The following LBR variants were observed in gnomAD, a reference collection of about 807,000 sequenced individuals.
LBR encodes the protein delta(14)-sterol reductase LBR.
In LBR, 28 loss-of-function variants were observed where a neutral mutation model predicts 74.3. The ratio of observed to expected loss-of-function variants is 0.38; its 90% CI spans 0.28 to 0.52. The LOEUF is 0.52. Among genes scored for constraint, LBR ranks in the 20% least tolerant of loss-of-function variants. The probability of loss-of-function intolerance (pLI) is 0.89; values close to 1 mark genes in which losing one functional copy is unlikely to be tolerated. For synonymous variants in LBR, 228 were observed against 269.3 expected, an observed-to-expected ratio of 0.85 and a Z score of 1.50; for missense variants, 717 against 760.3, an observed-to-expected ratio of 0.94 and a Z score of 0.67.
In LBR at chr1:225,402,551, TTCACA is replaced by T. The variant is rs926898917; in HGVS notation, c.*747_*751del. On this transcript the variant is annotated 3_prime_UTR_variant, in exon 14 of 14. Coordinates refer to ENST00000272163, the MANE Select transcript of LBR (RefSeq NM_002296.4). ...ATTCTAATTGTTCCAAAATTTTTAA[TTCACA>T]TTACTTTACAAAATTTTATTTAAAA... is the stretch of plus-strand genomic sequence containing the variant. 3 of 152,760 alleles carry T rather than the reference TTCACA, an allele frequency of 2.0e-5. No homozygotes were observed. The highest frequency in any genetic ancestry group is 1.3e-4 in the Admixed American group (2 of 15,298). 9.5% of individuals were successfully genotyped at this position (152,760 alleles called of 1,614,324 possible).
intron 1 of LBR, among the ~76,000 whole-genome samples, chr1:225,427,050 G>A (rs755014019): frequency 1.1e-4 from 16 of 152,224 alleles, no homozygotes; most frequent in Non-Finnish European, 2.1e-4. Context: ...CCGGGGGCCT[G>A]TTCACCCTGG....
chr1:225,403,298 G>C lies in LBR; in HGVS notation c.*5C>G, dbSNP rs1206128460. On this transcript the variant is annotated 3_prime_UTR_variant, in exon 14 of 14. Transcript: ENST00000272163. ...GGAGTATTTTGTAGAAAAGCCAGAA[G>C]AGCATTAGTAGATGTATGGAAATAT... 1.2e-6 allele frequency: 2 copies of C among 1,613,452 alleles called. No individual in the cohort carries two copies. The highest frequency in any genetic ancestry group is 1.7e-6 in the Non-Finnish European group (2 of 1,179,536).
chr1:225,415,373 C>G, intron 6 of LBR, 41 bp from the exon 7 acceptor site: 1 of 1,080,508 alleles, frequency 9.3e-7, no homozygotes, highest in Non-Finnish European at 1.4e-6. Flanking sequence ...AAGCACATCA[C>G]CATCATATAT....
intron 11 of LBR, among the ~76,000 whole-genome samples, chr1:225,405,328 G>A (rs1196990842): frequency 2.0e-5 from 3 of 152,186 alleles, no homozygotes; most frequent in Non-Finnish European, 2.9e-5. Flanking sequence ...AAACTAGTAA[G>A]AGAATAACTT....
rs1352864124 is a variant in LBR at position 225,404,491 on chromosome 1, G to A, written c.1600C>T (p.Leu534Phe). 1 of 1,613,574 alleles carries A rather than the reference G, an allele frequency of 6.2e-7. No homozygotes were observed. Among genetic ancestry groups the A allele is most frequent in the African/African-American group, 1.3e-5 (1 of 75,000 alleles). ...KTIHTSTGKN[L>F]LVSGWWGFVR... ...AAGCCCCACCATCCAGAAACTAGAA[G>A]ATTTTTTCCCGTTGAAGTATGAATG... is the stretch of plus-strand genomic sequence containing the variant. The change falls in exon 13 of 14, where the codon CTT becomes TTT. Residue 534 changes from leucine to phenylalanine, a missense_variant. Coordinates refer to ENST00000272163, the MANE Select transcript of LBR (RefSeq NM_002296.4).
chr1:225,418,322 C>T, intron 5 of LBR, 142 bp from the exon 6 acceptor site: 1 of 818,154 alleles, frequency 1.2e-6, no homozygotes. Flanking sequence ...CAAAAACTCC[C>T]ATCTCTACCT....
At chr1:225,406,144 C>T (rs1270930838) in intron 11 of LBR, among the ~76,000 whole-genome samples, 4 of 152,110 alleles carry the variant, frequency 2.6e-5, no homozygotes, top group African/African-American at 9.7e-5. Flanking sequence ...CCCATTTTCC[C>T]CTCTAAAACT....
chr1:225,405,082 T>C (rs990671433), intron 11 of LBR, among the ~76,000 whole-genome samples: 29 of 152,186 alleles, frequency 1.9e-4, no homozygotes, highest in African/African-American at 6.8e-4. Flanking sequence ...AAATCAATAC[T>C]AGAGTTCAGT....
chr1:225,420,527 C>A lies in LBR; in HGVS notation c.367-729G>T, dbSNP rs920732421. On this transcript the variant is annotated intron_variant, in intron 3 of 13. Coordinates refer to ENST00000272163, the MANE Select transcript of LBR (RefSeq NM_002296.4). ...TAAGAAATAGTGGGTACTTATGCAA[C>A]ACACAGTAGGCCCAAGGCACTACCA... is the stretch of plus-strand genomic sequence containing the variant. Among the ~76,000 whole-genome samples the A allele has an allele frequency of 3.9e-5, 6 of 152,120 alleles. No individual in the cohort carries two copies. The East Asian group carries it at 1.2e-3, about 29-fold the overall frequency.
At chr1:225,426,217 C>A (rs2096138830) in intron 1 of LBR, among the ~76,000 whole-genome samples, 1 of 152,142 alleles carries the variant, frequency 6.6e-6, no homozygotes, top group South Asian at 2.1e-4. Flanking sequence ...CCACTTTACA[C>A]AAGATCCACA....
rs762108686 is a variant in LBR at position 225,423,934 on chromosome 1, C to G, written c.142G>C (p.Glu48Gln). Reference sequence around the variant, plus strand: ...ACCTTAATATCATTCTCTTTCAATTCAAGCTCTGTTCCATCTTTATACTTC... The same window carrying G: ...ACCTTAATATCATTCTCTTTCAATTGAAGCTCTGTTCCATCTTTATACTTC... ...TVKYKDGTEL[E>Q]LKENDIKPLT... The change falls in exon 2 of 14, where the codon GAA becomes CAA. Residue 48 changes from glutamate to glutamine, a missense_variant. By Grantham distance (29) the Glu-to-Gln change is conservative. Coordinates refer to ENST00000272163, the MANE Select transcript of LBR (RefSeq NM_002296.4). 1 of 1,613,862 alleles carries G rather than the reference C, an allele frequency of 6.2e-7. No homozygotes were observed. Among genetic ancestry groups the G allele is most frequent in the Non-Finnish European group, 8.5e-7 (1 of 1,179,758 alleles).
intron 2 of LBR, among the ~76,000 whole-genome samples, chr1:225,423,159 T>A (rs6678087): frequency 6.6e-6 from 1 of 152,028 alleles, no homozygotes; most frequent in East Asian, 1.9e-4. Context: ...GACAAAGTAA[T>A]CTCATATCTA....
intron 7 of LBR, among the ~76,000 whole-genome samples, chr1:225,414,528 T>C (rs926813565): frequency 2.0e-5 from 3 of 152,228 alleles, no homozygotes; most frequent in Admixed American, 6.5e-5. Context: ...CACATGCTCT[T>C]ACAGTGCGAG....
chr1:225,415,660 AT>A (rs1289740976), intron 6 of LBR, among the ~76,000 whole-genome samples: 1 of 152,140 alleles, frequency 6.6e-6, no homozygotes, highest in Non-Finnish European at 1.5e-5. Context: ...ATACCTTTAT[AT>A]CTAGTGGATC....
rs2096092813 is a variant in LBR at position 225,406,809 on chromosome 1, G to T, written c.1338C>A (p.Asp446Glu). The T allele has an allele frequency of 1.2e-6, 2 of 1,614,102 alleles. No individual in the cohort carries two copies. The highest frequency in any genetic ancestry group is 2.7e-5 in the African/African-American group (2 of 74,936). Reference sequence around the variant, plus strand: ...TGAATCCAAATCCATCGTGGATGATGTCCATGGTCGTCAACAACGCTTCCT... The same window carrying T: ...TGAATCCAAATCCATCGTGGATGATTTCCATGGTCGTCAACAACGCTTCCT... ...WNEEALLTTM[D>E]IIHDGFGFML... Residue 446 changes from aspartate to glutamate, a missense_variant, in exon 11 of 14, where the codon GAC becomes GAA. By Grantham distance (45) the Asp-to-Glu change is conservative. Transcript: ENST00000272163.
At chr1:225,422,305 T>G (rs942939224) in intron 2 of LBR, 28 bp from the exon 3 acceptor site, 5 of 1,578,614 alleles carry the variant, frequency 3.2e-6, no homozygotes, top group Non-Finnish European at 4.3e-6. Flanking sequence ...GGCAAAGAGC[T>G]TTACCACAAA....
chr1:225,420,448 CAA>C lies in LBR; in HGVS notation c.367-652_367-651del, dbSNP rs1441424814. Among the ~76,000 whole-genome samples the C allele has an allele frequency of 5.3e-5, 8 of 151,792 alleles. No individual in the cohort carries two copies. The East Asian group carries it at 1.5e-3, about 29-fold the overall frequency. ...ATTAGTTCATTAACTGGATAAAAAA[CAA>C]AAGACATTCAAAAAGACATTCACTG... On this transcript the variant is annotated intron_variant, in intron 3 of 13. Coordinates refer to ENST00000272163, the MANE Select transcript of LBR (RefSeq NM_002296.4).
At position 225,422,178 on chromosome 1, in the gene LBR, G is replaced by A. The variant is rs754015696; in HGVS notation, c.265C>T (p.Arg89Ter). ...GATCGGCGGGCACTTTTAGGTGGTC[G>A]ACCAGGGGATCGGGAGCGTGACCTT... The part of the protein sequence containing the change: ...RSRSRSRSPG[R>*]PPKSARRSAS... The change falls in exon 3 of 14, where the codon CGA (arginine) becomes TGA (stop). Residue 89 changes from arginine (R) to a stop codon, truncating the protein, a stop_gained. Transcript: ENST00000272163. LOFTEE classifies it high-confidence loss of function. 1.2e-6 allele frequency: 2 copies of A among 1,613,422 alleles called. No individual in the cohort carries two copies. Among genetic ancestry groups the A allele is most frequent in the South Asian group, 1.1e-5 (1 of 91,066 alleles).
chr1:225,420,585 CA>C (rs1243832921), intron 3 of LBR, among the ~76,000 whole-genome samples: 1 of 152,068 alleles, frequency 6.6e-6, no homozygotes, highest in Non-Finnish European at 1.5e-5. Context: ...GTTCTTGTGA[CA>C]CCAGGACTGT....
Sources: gnomAD v4.1 joint callset for allele counts (sites outside exome capture counted in the v4.1 genomes callset) on GRCh38, gnomAD v4.1.1 for gene constraint, MANE v1.5 for transcripts, NCBI Gene and HGNC (gene_info 2026-07-23, HGNC 2026-07-21) for gene names.